Variants in ALK observed in about 807,000 individuals in gnomAD.
ALK encodes ALK receptor tyrosine kinase.
In ALK, 74 loss-of-function variants were observed where a neutral mutation model predicts 163.1. The ratio of observed to expected loss-of-function variants is 0.45; its 90% CI spans 0.38 to 0.55. ALK has a LOEUF of 0.55. ALK is among the 20% of genes least tolerant of loss of function. ALK has a pLI of 0.00. For missense variants in ALK, 2,063 were observed against 2,105.3 expected, an observed-to-expected ratio of 0.98 and a Z score of 0.39; for synonymous variants, 960 against 843.2, an observed-to-expected ratio of 1.14 and a Z score of -2.40.
In ALK at chr2:29,779,214, C is replaced by A. The variant is rs1281593507; in HGVS notation, c.668-61517G>T. ...AAAACCTTGAGGTGGTTTTACTAGG[C>A]CTCTAGGAAGGGTTAAGTCGAAATA... is the stretch of plus-strand genomic sequence containing the variant. On this transcript the variant is annotated intron_variant, in intron 1 of 28. Coordinates refer to ENST00000389048, the MANE Select transcript of ALK (RefSeq NM_004304.5). Among the ~76,000 whole-genome samples the A allele has an allele frequency of 3.3e-5, 5 of 151,944 alleles. No individual in the cohort carries two copies. In the East Asian group the frequency reaches 9.7e-4, roughly 29 times the overall value.
chr2:29,743,467 G>A (rs917003794), intron 1 of ALK, among the ~76,000 whole-genome samples: 1 of 152,172 alleles, frequency 6.6e-6, no homozygotes, highest in African/African-American at 2.4e-5. Context: ...GACTTCAAAA[G>A]AAAAGCTATC....
chr2:29,296,635 C>T (rs1573203107), intron 9 of ALK, among the ~76,000 whole-genome samples: 1 of 152,178 alleles, frequency 6.6e-6, no homozygotes, highest in Non-Finnish European at 1.5e-5. Flanking sequence ...GCCAACCAGG[C>T]CATACCAGTG....
At position 29,353,240 on chromosome 2, in the gene ALK, T is replaced by C. The variant is rs150418694; in HGVS notation, c.1283-24759A>G. On this transcript the variant is annotated intron_variant, in intron 5 of 28. Coordinates refer to ENST00000389048, the MANE Select transcript of ALK (RefSeq NM_004304.5). ...ATCAGTAAACTGGCCCATCTGTTCT[T>C]GTGGCCCCATGTCCTCCATCAGGCC... Among the ~76,000 whole-genome samples the C allele has an allele frequency of 3.9e-3, 601 of 152,328 alleles. 3 individuals are homozygous for C. Among genetic ancestry groups the C allele is most frequent in the Non-Finnish European group, 6.6e-3 (449 of 68,024 alleles).
chr2:29,755,141 T>C (rs1268225597), intron 1 of ALK, among the ~76,000 whole-genome samples: 1 of 152,202 alleles, frequency 6.6e-6, no homozygotes, highest in Non-Finnish European at 1.5e-5. Context: ...AGGAACCCTC[T>C]GGGTTTCCTA....
rs565345088 is a variant in ALK, at chr2:29,873,071, C to T, written c.667+46922G>A. On this transcript the variant is annotated intron_variant, in intron 1 of 28. Transcript: ENST00000389048. ...GTGAGCTCCTCAGCTGACTGTATCT[C>T]CAGCCACACTCCCTCCAGGAGTCAG... Among the ~76,000 whole-genome samples, 22 of 152,352 alleles carry T rather than the reference C, an allele frequency of 1.4e-4. No individual in the cohort carries two copies. In the East Asian group the frequency reaches 3.9e-3, roughly 27 times the overall value.
At chr2:29,878,868 C>G (rs553720816) in intron 1 of ALK, among the ~76,000 whole-genome samples, 1 of 152,156 alleles carries the variant, frequency 6.6e-6, no homozygotes, top group East Asian at 1.9e-4. Flanking sequence ...CAGTGCTGGC[C>G]AGGAATCCAG....
chr2:29,656,392 C>T (rs960121783), intron 3 of ALK, among the ~76,000 whole-genome samples: 15 of 152,290 alleles, frequency 9.8e-5, no homozygotes, highest in Admixed American at 2.6e-4. Context: ...ACACTAATGA[C>T]TGAGACTGTA....
At chr2:29,578,941 C>A (rs1674600662) in intron 3 of ALK, among the ~76,000 whole-genome samples, 1 of 152,156 alleles carries the variant, frequency 6.6e-6, no homozygotes, top group African/African-American at 2.4e-5. Flanking sequence ...GCTGGTGATG[C>A]CAGGAAGCCA....
At chr2:29,493,291 A>T (rs1470313165) in intron 4 of ALK, among the ~76,000 whole-genome samples, 2 of 152,134 alleles carry the variant, frequency 1.3e-5, no homozygotes, top group African/African-American at 2.4e-5. Flanking sequence ...TGATCTGGGC[A>T]TCTCCAGTTG....
Position 29,920,383 on chromosome 2 carries a change from G to C in ALK, c.277C>G (p.Leu93Val). 2.6e-6 allele frequency: 4 copies of C among 1,563,674 alleles called. No homozygotes were observed. Among genetic ancestry groups the C allele is most frequent in the South Asian group, 2.3e-5 (2 of 85,330 alleles). The part of the protein sequence containing the change: ...GRPEARGSLA[L>V]DCAPLLRLLG... Reference sequence around the variant, plus strand: ...AACCTGAGCAGCGGGGCGCAGTCCAGAGCTAGCGAGCCGCGGGCCTCGGGC... The same window carrying C: ...AACCTGAGCAGCGGGGCGCAGTCCACAGCTAGCGAGCCGCGGGCCTCGGGC... The change falls in exon 1 of 29, where the codon CTG (leucine) becomes GTG (valine). Residue 93 changes from leucine (L) to valine (V), a missense_variant. By Grantham distance (32) the Leu-to-Val change is conservative. Around this residue, in one of 5 missense-constraint regions of ALK, gnomAD observed 987 missense variants for 939.5 expected, o/e 1.05. Coordinates refer to ENST00000389048, the MANE Select transcript of ALK (RefSeq NM_004304.5).
chr2:29,875,932 T>C (rs551732837), intron 1 of ALK, among the ~76,000 whole-genome samples: 6 of 152,230 alleles, frequency 3.9e-5, no homozygotes, highest in Non-Finnish European at 7.3e-5. Context: ...TTATAATCCT[T>C]TGGGTATCTA....
intron 4 of ALK, among the ~76,000 whole-genome samples, chr2:29,445,471 A>G (rs569593159): frequency 1.3e-5 from 2 of 152,344 alleles, no homozygotes; most frequent in South Asian, 2.1e-4. Context: ...GTTCCCTCAC[A>G]TCGCTTCCCA....
chr2:29,793,038 C>A (rs560088623), intron 1 of ALK, among the ~76,000 whole-genome samples: 3 of 152,110 alleles, frequency 2.0e-5, no homozygotes, highest in African/African-American at 7.2e-5. Flanking sequence ...ATTTTGCCCA[C>A]AGTAAATCTT....
chr2:29,605,632 G>A (rs1257629146), intron 3 of ALK, among the ~76,000 whole-genome samples: 1 of 152,186 alleles, frequency 6.6e-6, no homozygotes, highest in African/African-American at 2.4e-5. Context: ...CTGGCAAGAA[G>A]GTGGCCGTCT....
chr2:29,398,688 C>A (rs1331131885), intron 4 of ALK, among the ~76,000 whole-genome samples: 1 of 152,034 alleles, frequency 6.6e-6, no homozygotes, highest in African/African-American at 2.4e-5. Flanking sequence ...GAGAGCAGGA[C>A]CCCCCTCCTC....
chr2:29,362,482 G>T (rs1168620891), intron 5 of ALK, among the ~76,000 whole-genome samples: 1 of 152,192 alleles, frequency 6.6e-6, no homozygotes, highest in East Asian at 1.9e-4. Flanking sequence ...CCTAAGAGGG[G>T]TGTGTCCACA....
chr2:29,684,082 C>A (rs1197344902), intron 3 of ALK, among the ~76,000 whole-genome samples: 1 of 152,062 alleles, frequency 6.6e-6, no homozygotes, highest in Non-Finnish European at 1.5e-5. Flanking sequence ...TTATTTTATT[C>A]TTTCTTGCAA....
chr2:29,229,507 G>A (rs917691077), intron 15 of ALK, among the ~76,000 whole-genome samples: 3 of 152,182 alleles, frequency 2.0e-5, no homozygotes, highest in African/African-American at 7.2e-5. Flanking sequence ...ACCAGTCTTT[G>A]AGCAGCCACA....
intron 4 of ALK, among the ~76,000 whole-genome samples, chr2:29,422,425 T>G (rs1403396952): frequency 6.7e-6 from 1 of 148,164 alleles, no homozygotes; most frequent in Middle Eastern, 3.2e-3. Flanking sequence ...TGGGGGAGCC[T>G]CTCTAGTCCA....
Sources: gnomAD v4.1 joint callset for allele counts (sites outside exome capture counted in the v4.1 genomes callset) on GRCh38, gnomAD v4.1.1 for gene constraint, gnomAD v4.1.1 regional missense constraint, MANE v1.5 for transcripts, NCBI Gene and HGNC (gene_info 2026-07-23, HGNC 2026-07-21) for gene names.